The following SLK variants were observed in gnomAD, a reference collection of about 807,000 sequenced individuals.
SLK encodes the protein STE20-like serine/threonine-protein kinase.
SLK carries 67 observed loss-of-function variants against 147.7 expected under a neutral mutation model. The observed-to-expected ratio is 0.45, with a 90% confidence interval of 0.37 to 0.56. SLK has a LOEUF of 0.56. SLK is among the 20% of genes least tolerant of loss of function. SLK has a pLI of 0.00. For missense variants in SLK, 1,136 were observed against 1,438.8 expected (o/e 0.79, Z 3.41); for synonymous variants, 441 against 475.0 (o/e 0.93, Z 0.93).
rs1589538336 is a variant in SLK at position 104,003,015 on chromosome 10, G to C, written c.1837G>C (p.Glu613Gln). 1.2e-6 allele frequency: 2 copies of C among 1,613,734 alleles called. No homozygotes were observed. The highest frequency in any genetic ancestry group is 1.7e-4 in the Middle Eastern group (1 of 6,060). ...AATAGTTGAAATGAATGAAATAGAA[G>C]AAGGTAAAAATAAGGAACAAGCAAT... Reference protein sequence around the residue: ...KEIVEMNEIEEGKNKEQAINS... With the variant: ...KEIVEMNEIEQGKNKEQAINS... The change falls in exon 9 of 19, where the codon GAA (glutamate) becomes CAA (glutamine). Residue 613 changes from glutamate to glutamine, a missense_variant. This residue lies in a region of SLK where 516 missense variants were observed against 531.3 expected (regional missense o/e 0.97). Transcript: ENST00000369755.
At chr10:103,970,403 T>C (rs1034284270) in intron 1 of SLK, among the ~76,000 whole-genome samples, 1 of 152,212 alleles carries the variant, frequency 6.6e-6, no homozygotes, top group Non-Finnish European at 1.5e-5. Context: ...TCTTATTTCA[T>C]GTAGTTATTT....
chr10:104,025,230 T>C (rs772105105), intron 18 of SLK, among the ~76,000 whole-genome samples: 17 of 152,218 alleles, frequency 1.1e-4, no homozygotes, highest in Non-Finnish European at 1.8e-4. Flanking sequence ...TAATAATAGG[T>C]ACCATATATT....
intron 11 of SLK, among the ~76,000 whole-genome samples, chr10:104,007,219 T>C (rs578016963): frequency 6.6e-6 from 1 of 152,294 alleles, no homozygotes; most frequent in South Asian, 2.1e-4. Context: ...TGGATAAATA[T>C]TGAAATTTTT....
intron 7 of SLK, 111 bp from the exon 8 acceptor site, chr10:104,001,333 C>T (rs762351261): frequency 1.2e-6 from 1 of 832,720 alleles, no homozygotes; most frequent in Non-Finnish European, 1.9e-6. Context: ...CTGTCATTTT[C>T]CTGCCCACAT....
intron 5 of SLK, 57 bp downstream of exon 5, chr10:103,999,028 T>G: frequency 2.0e-6 from 3 of 1,533,214 alleles, no homozygotes; most frequent in Non-Finnish European, 2.7e-6. Flanking sequence ...TTATAATTAC[T>G]CATGAATTTT....
At chr10:104,025,472 A>G (rs1844585648) in intron 18 of SLK, 102 bp from the exon 19 acceptor site, 1 of 1,139,940 alleles carries the variant, frequency 8.8e-7, no homozygotes, top group Admixed American at 2.2e-5. Flanking sequence ...AGGATTATAT[A>G]CAAAGAAAGT....
chr10:103,967,867 G>T lies in SLK; in HGVS notation c.122G>T (p.Gly41Val). 1 of 1,611,782 alleles carries T rather than the reference G, an allele frequency of 6.2e-7. No homozygotes were observed. The highest frequency in any genetic ancestry group is 8.5e-7 in the Non-Finnish European group (1 of 1,179,218). ...EDFWEIIGEL[G>V]DGAFGKVYKA... The stretch of plus-strand genomic sequence containing the variant: ...TTTTGGGAGATTATAGGAGAACTGG[G>T]CGACGGAGCCTTTGGGAAAGTGTAC... Residue 41 changes from glycine (G) to valine (V), a missense_variant, in exon 1 of 19, where the codon GGC becomes GTC. Gly to Val is a moderately radical substitution (Grantham distance 109, BLOSUM62 -3). Around this residue, in one of 6 missense-constraint regions of SLK, gnomAD observed 126 missense variants for 141.3 expected, o/e 0.89. Coordinates refer to ENST00000369755, the MANE Select transcript of SLK (RefSeq NM_014720.4).
chr10:103,987,570 T>G (rs1844034650), intron 1 of SLK, among the ~76,000 whole-genome samples: 1 of 152,232 alleles, frequency 6.6e-6, no homozygotes, highest in Non-Finnish European at 1.5e-5. Flanking sequence ...GACATTTATT[T>G]ATTGAAACAT....
intron 9 of SLK, among the ~76,000 whole-genome samples, chr10:104,005,251 A>G (rs545747580): frequency 1.3e-5 from 2 of 152,330 alleles, no homozygotes; most frequent in South Asian, 2.1e-4. Flanking sequence ...CTGATTAGCT[A>G]TGTGAACTGC....
Position 103,999,313 on chromosome 10 carries a change from G to A in SLK, c.782G>A (p.Trp261Ter), listed in dbSNP as rs1844215150. The change falls in exon 6 of 19, where the codon TGG becomes TAG. Residue 261 changes from tryptophan to a stop codon, truncating the protein, a stop_gained and splice_region_variant. Coordinates refer to ENST00000369755, the MANE Select transcript of SLK (RefSeq NM_014720.4). LOFTEE classifies it high-confidence loss of function. ...CCTACATTAGCACAGCCATCCAGATGGTAAAAATATTCTTAAAAAAGCTTA... is the reference window on the plus strand; with the variant it reads ...CCTACATTAGCACAGCCATCCAGATAGTAAAAATATTCTTAAAAAAGCTTA... ...EPPTLAQPSRWSSNFKDFLKK... is the reference protein window; with the variant it reads ...EPPTLAQPSR 3 of 1,584,344 alleles carry A rather than the reference G, an allele frequency of 1.9e-6. No homozygotes were observed. The highest frequency in any genetic ancestry group is 1.9e-5 in the Admixed American group (1 of 52,448).
At chr10:104,006,215 T>C (rs561495281) in intron 11 of SLK, among the ~76,000 whole-genome samples, 180 bp downstream of exon 11, 30 of 152,308 alleles carry the variant, frequency 2.0e-4, no homozygotes, top group African/African-American at 7.0e-4. Flanking sequence ...CTTTTATTGA[T>C]TTATTCTTTT....
chr10:103,992,389 C>T (rs1844108666), intron 2 of SLK, among the ~76,000 whole-genome samples: 1 of 151,798 alleles, frequency 6.6e-6, no homozygotes, highest in Non-Finnish European at 1.5e-5. Context: ...AACAAAAATG[C>T]CCATGCTTTC....
At chr10:103,974,470 C>T (rs1013958047) in intron 1 of SLK, 1 of 145,446 alleles carries the variant, frequency 6.9e-6, no homozygotes, top group African/African-American at 2.5e-5. Flanking sequence ...AAAAAATTAG[C>T]CGGGCGTGAT....
chr10:103,992,732 A>T, intron 3 of SLK, 86 bp downstream of exon 3: 1 of 1,277,234 alleles, frequency 7.8e-7, no homozygotes, highest in Non-Finnish European at 1.1e-6. Flanking sequence ...AATATATTCA[A>T]ATATGTAAGT....
In SLK at chr10:104,002,234, A is replaced by C; in HGVS notation, c.1056A>C (p.Lys352Asn). The change falls in exon 9 of 19, where the codon AAA (lysine) becomes AAC (asparagine). Residue 352 changes from lysine (K) to asparagine (N), a missense_variant. By Grantham distance (94) the Lys-to-Asn change is moderately conservative (BLOSUM62 0). This residue lies in a region of SLK where 516 missense variants were observed against 531.3 expected (regional missense o/e 0.97). Coordinates refer to ENST00000369755, the MANE Select transcript of SLK (RefSeq NM_014720.4). ...DLSIASSEED[K>N]LSQNACILES... is the part of the protein sequence containing the mutation. ...GTATCGCCAGCTCTGAAGAAGATAA[A>C]CTTTCACAAAATGCTTGTATTTTGG... 1 of 1,610,584 alleles carries C rather than the reference A, an allele frequency of 6.2e-7. No individual in the cohort carries two copies. Among genetic ancestry groups the C allele is most frequent in the Middle Eastern group, 1.7e-4 (1 of 6,048 alleles).
chr10:104,017,145 C>T (rs943728776), intron 13 of SLK, among the ~76,000 whole-genome samples: 4 of 152,276 alleles, frequency 2.6e-5, no homozygotes, highest in African/African-American at 9.6e-5. Context: ...AGAAATTTGG[C>T]ATTCGGGTAG....
intron 2 of SLK, among the ~76,000 whole-genome samples, chr10:103,992,092 G>A (rs907869827): frequency 1.3e-4 from 18 of 141,820 alleles, no homozygotes; most frequent in African/African-American, 4.4e-4. Context: ...GCACCTATCA[G>A]CAGGTAATAA....
intron 1 of SLK, among the ~76,000 whole-genome samples, chr10:103,971,023 G>A (rs1843785362): frequency 6.6e-6 from 1 of 152,198 alleles, no homozygotes; most frequent in Non-Finnish European, 1.5e-5. Flanking sequence ...GATTTGGGAT[G>A]TGTAACCTAT....
In SLK at chr10:104,001,473, A is replaced by G. The variant is rs55893133; in HGVS notation, c.894A>G (p.Lys298=). ...CCTTTGTTACTGTTGATTCCAACAA[A>G]CCCATCCGAGAATTGATTGCAGAGG... ...QHPFVTVDSN[K]PIRELIAEAK... is the part of the protein sequence containing the mutation. The change falls in exon 8 of 19, where the codon AAA becomes AAG. Residue 298 remains lysine (K), a synonymous_variant. Transcript: ENST00000369755. 2.0e-5 allele frequency: 33 copies of G among 1,614,156 alleles called. No individual in the cohort carries two copies. In the East Asian group the frequency reaches 5.8e-4, roughly 28 times the overall value.
Sources: allele counts gnomAD v4.1 joint callset (sites outside exome capture counted in the v4.1 genomes callset), GRCh38; gene constraint gnomAD v4.1.1; regional missense constraint gnomAD v4.1.1; transcripts MANE v1.5; gene names NCBI Gene and HGNC (gene_info 2026-07-23, HGNC 2026-07-21).